Variants in SLC22A31 observed in about 807,000 individuals in gnomAD.
SLC22A31 encodes the protein solute carrier family 22 member 31.
SLC22A31 carries 42 observed loss-of-function variants against 27.4 expected under a neutral mutation model. The observed-to-expected ratio is 1.53, with a 90% confidence interval of 1.20 to 1.98. The LOEUF is 1.98. Among genes scored for constraint, SLC22A31 ranks in the 30% most tolerant of loss-of-function variants. The pLI is 0.00. For synonymous variants in SLC22A31, 290 were observed against 230.8 expected (o/e 1.26, Z -2.33); for missense variants, 593 against 479.9 (o/e 1.24, Z -2.20).
chr16:89,196,878 G>A (rs563566937), intron 8 of SLC22A31, among the ~76,000 whole-genome samples: 10 of 151,572 alleles, frequency 6.6e-5, no homozygotes, highest in Admixed American at 6.6e-4. Flanking sequence ...CCAGAGAGTT[G>A]GAGGCTGCAG....
upstream of SLC22A31, chr16:89,201,195 A>G (rs1334238673): frequency 5.3e-6 from 2 of 375,186 alleles, no homozygotes; most frequent in African/African-American, 2.1e-5. Context: ...GGATGGAGAA[A>G]GGACACCCAG....
At chr16:89,197,780 C>T (rs1265119410) in intron 7 of SLC22A31, among the ~76,000 whole-genome samples, 1 of 152,256 alleles carries the variant, frequency 6.6e-6, no homozygotes, top group East Asian at 1.9e-4. Flanking sequence ...CACCATGTGG[C>T]TGGCCCTGAG....
At chr16:89,198,087 T>C (rs1039011575) in intron 7 of SLC22A31, 35 bp downstream of exon 7, 13 of 1,529,370 alleles carry the variant, frequency 8.5e-6, no homozygotes, top group African/African-American at 4.1e-5. Flanking sequence ...CCAAACACAA[T>C]GGCTCCTGTA....
chr16:89,199,152 G>A lies in SLC22A31; in HGVS notation c.323C>T (p.Ser108Phe), dbSNP rs1173248036. Residue 108 changes from serine to phenylalanine, a missense_variant, in exon 4 of 9, where the codon TCC becomes TTC. Coordinates refer to ENST00000682282, the MANE Select transcript of SLC22A31 (RefSeq NM_001384763.1). ...LCDPPHRLAFSMGAGLFSVVG... is the reference protein window; with the variant it reads ...LCDPPHRLAFFMGAGLFSVVG... ...CACCGAGAAAAGGCCAGCCCCCATG[G>A]AGAAGGCCAGGCGGTGGGGAGGGTC... 5.9e-6 allele frequency: 9 copies of A among 1,533,254 alleles called. No homozygotes were observed. The highest frequency in any genetic ancestry group is 7.9e-6 in the Non-Finnish European group (9 of 1,145,964). The allele number at this position is 1,533,254 out of a possible 1,614,324, so 95.0% of individuals were successfully genotyped here.
At position 89,199,719 on chromosome 16, in the gene SLC22A31, C is replaced by T; in HGVS notation, c.122G>A (p.Cys41Tyr). 1 of 405,764 alleles carries T rather than the reference C, an allele frequency of 2.5e-6. No individual in the cohort carries two copies. The highest frequency in any genetic ancestry group is 4.4e-6 in the Non-Finnish European group (1 of 228,814). The allele number at this position is 405,764 out of a possible 1,614,324, so 25.1% of individuals were successfully genotyped here. The change falls in exon 2 of 9, where the codon TGT becomes TAT. Residue 41 changes from cysteine to tyrosine, a missense_variant. Cys to Tyr is a radical substitution (Grantham distance 194, BLOSUM62 -2). Transcript: ENST00000682282. ...LLGCVILGAG[C>Y]DRFGRRAVFV... ...AAAAGGGAAGGGGCCTCACCGGTCA[C>T]AGCCTGCTCCCAGGATGACACAGCC...
At chr16:89,199,328 T>C in intron 3 of SLC22A31, 85 bp downstream of exon 3, 1 of 877,238 alleles carries the variant, frequency 1.1e-6, no homozygotes, top group Non-Finnish European at 1.7e-6. Flanking sequence ...TCCCTGCAGC[T>C]CGGGGCCCTC....
intron 5 of SLC22A31, 25 bp from the exon 6 acceptor site, chr16:89,198,575 A>AG (rs1916215132): frequency 6.6e-7 from 1 of 1,512,752 alleles, no homozygotes. Context: ...ATGTGAGGGG[A>AG]GGGGGGTGAG....
chr16:89,199,646 T>C (rs1338806220), intron 2 of SLC22A31, 67 bp downstream of exon 2: 23 of 405,390 alleles, frequency 5.7e-5, no homozygotes, highest in Non-Finnish European at 9.2e-5. Context: ...GCACCAGGTC[T>C]AGCTGAACCC....
intron 8 of SLC22A31, among the ~76,000 whole-genome samples, chr16:89,196,925 A>G (rs1385661011): frequency 6.6e-6 from 1 of 150,770 alleles, no homozygotes; most frequent in Admixed American, 6.6e-5. Flanking sequence ...CAGCCTGGTG[A>G]CAGAGCGAGA....
At position 89,198,791 on chromosome 16, in the gene SLC22A31, C is replaced by G. The variant is rs1358659639; in HGVS notation, c.459G>C (p.Pro153=). ...SGLLLLFWGF[P]ALFPESPCWL... ...AGCAGGGAGACTCGGGGAACAGGGC[C>G]GGGAACCTGCAGCGTTGGTGAGGAT... Residue 153 remains proline (P), a synonymous_variant, in exon 5 of 9, where the codon CCG becomes CCC. Transcript: ENST00000682282. The G allele has an allele frequency of 1.3e-6, 2 of 1,529,836 alleles. No homozygotes were observed. The highest frequency in any genetic ancestry group is 1.7e-4 in the Middle Eastern group (1 of 5,986). 94.8% of individuals were successfully genotyped at this position (1,529,836 alleles called of 1,614,324 possible).
At chr16:89,196,521 C>T (rs1915942593) in intron 8 of SLC22A31, 1 of 790,908 alleles carries the variant, frequency 1.3e-6, no homozygotes, top group Non-Finnish European at 1.9e-6. Context: ...TTGGGGGACA[C>T]ACATGTGACT....
rs554761927 is a variant in SLC22A31, at chr16:89,198,250, G to A, written c.794C>T (p.Ala265Val). Residue 265 changes from alanine (A) to valine (V), a missense_variant, in exon 7 of 9, where the codon GCC (alanine) becomes GTC (valine). Transcript: ENST00000682282. ...GACCAAGGCTGCCGCCTCCAGGCCGGCCTCCAGGAAGTAGGGCAGGTAGAA... is the reference window on the plus strand; with the variant it reads ...GACCAAGGCTGCCGCCTCCAGGCCGACCTCCAGGAAGTAGGGCAGGTAGAA... ...PTFYLPYFLE[A>V]GLEAAALVFL... The A allele has an allele frequency of 3.3e-6, 5 of 1,535,970 alleles. No homozygotes were observed. The highest frequency in any genetic ancestry group is 2.4e-5 in the East Asian group (1 of 40,926).
Position 89,196,073 on chromosome 16 carries a change from GGCGGCCCCGCAGGAGTGGGGA to G in SLC22A31, c.1246_1266del (p.Ser416_Arg422del), listed in dbSNP as rs1597316605. 20 of 1,531,872 alleles carry G rather than the reference GGCGGCCCCGCAGGAGTGGGGA, an allele frequency of 1.3e-5. No individual in the cohort carries two copies. The highest frequency in any genetic ancestry group is 1.7e-5 in the Non-Finnish European group (19 of 1,145,312). The allele number at this position is 1,531,872 out of a possible 1,614,324, so 94.9% of individuals were successfully genotyped here. A position where few individuals can be genotyped will look rare whatever the true frequency, so the allele number is the denominator to read the frequency against. On this transcript the variant is annotated inframe_deletion, in exon 9 of 9. Coordinates refer to ENST00000682282, the MANE Select transcript of SLC22A31 (RefSeq NM_001384763.1). Reference sequence around the variant, plus strand: ...AGCAGAGGCAGGTGGTCCTGGCGGGGGCGGCCCCGCAGGAGTGGGGAGCGGCGCAGGCGGTCGGCGTCCTGC... The same window carrying G: ...AGCAGAGGCAGGTGGTCCTGGCGGGGGCGGCGCAGGCGGTCGGCGTCCTGC...
At chr16:89,196,969 G>A (rs1021307536) in intron 8 of SLC22A31, among the ~76,000 whole-genome samples, 10 of 151,340 alleles carry the variant, frequency 6.6e-5, no homozygotes, top group South Asian at 2.1e-4. Context: ...AGAAGAAGAA[G>A]AAGATCGAAA....
At position 89,198,770 on chromosome 16, in the gene SLC22A31, G is replaced by T. The variant is rs775834789; in HGVS notation, c.480C>A (p.Pro160=). 12 of 1,533,764 alleles carry T rather than the reference G, an allele frequency of 7.8e-6. No individual in the cohort carries two copies. The South Asian group carries it at 1.1e-4, about 14-fold the overall frequency. ...WGFPALFPES[P]CWLLATGQVA... is the part of the protein sequence containing the mutation. The stretch of plus-strand genomic sequence containing the variant: ...CCTGACCTGTGGCCAGCAGCCAGCA[G>T]GGAGACTCGGGGAACAGGGCCGGGA... The change falls in exon 5 of 9, where the codon CCC becomes CCA. Residue 160 remains proline (P), a synonymous_variant. Coordinates refer to ENST00000682282, the MANE Select transcript of SLC22A31 (RefSeq NM_001384763.1).
Position 89,199,364 on chromosome 16 carries a change from G to A in SLC22A31, c.283+49C>T, listed in dbSNP as rs1305622534. ...GGCAAGGGAGCCTCAGAGGCCTGCG[G>A]GCCACCCACTGCCCCTCCCCCAGTG... On this transcript the variant is annotated intron_variant, in intron 3 of 8. Transcript: ENST00000682282. 28 of 646,644 alleles carry A rather than the reference G, an allele frequency of 4.3e-5. No individual in the cohort carries two copies. In the East Asian group the frequency reaches 7.4e-4, roughly 17 times the overall value. The allele number at this position is 646,644 out of a possible 1,614,324, so 40.1% of individuals were successfully genotyped here.
rs747318429 is a variant in SLC22A31 at position 89,196,237 on chromosome 16, A to G, written c.1103T>C (p.Leu368Pro). ...LGQAAGPLDTLHGRQGFFLQQ... is the reference protein window; with the variant it reads ...LGQAAGPLDTPHGRQGFFLQQ... ...CAGGAAGAAGCCCTGCCGGCCGTGC[A>G]GGGTGTCCAGGGGGCCGGCTGCCTG... The change falls in exon 9 of 9, where the codon CTG becomes CCG. Residue 368 changes from leucine to proline, a missense_variant. Physicochemically the swap from Leu to Pro is moderately conservative, Grantham distance 98. Coordinates refer to ENST00000682282, the MANE Select transcript of SLC22A31 (RefSeq NM_001384763.1). 35 of 1,534,146 alleles carry G rather than the reference A, an allele frequency of 2.3e-5. No individual in the cohort carries two copies. The South Asian group carries it at 3.1e-4, about 14-fold the overall frequency.
rs893131118 is a variant in SLC22A31 at position 89,197,421 on chromosome 16, G to A, written c.923-12C>T. On this transcript the variant is annotated splice_polypyrimidine_tract_variant and intron_variant, in intron 7 of 8. Transcript: ENST00000682282. Reference sequence around the variant, plus strand: ...CCAGCCTGGCAGATCTGGGGACAAAGAACAGGGGTTCCCAGGCTCTCTCCC... The same window carrying A: ...CCAGCCTGGCAGATCTGGGGACAAAAAACAGGGGTTCCCAGGCTCTCTCCC... The A allele has an allele frequency of 3.3e-6, 5 of 1,528,206 alleles. No homozygotes were observed. Among genetic ancestry groups the A allele is most frequent in the East Asian group, 4.9e-5 (2 of 40,872 alleles). The allele number at this position is 1,528,206 out of a possible 1,614,324, so 94.7% of individuals were successfully genotyped here.
chr16:89,196,038 G>A lies in SLC22A31; in HGVS notation c.1302C>T (p.Ser434=). The change falls in exon 9 of 9, where the codon TCC becomes TCT. Residue 434 remains serine (S), a synonymous_variant. Transcript: ENST00000682282. ...GGGTGTGGCCGGCCCAGTAGGAGTT[G>A]GAGGGCGGCAGCAGAGGCAGGTGGT... ...RQDHLPLLPP[S]NSYWAGHTPE... 6.5e-7 allele frequency: 1 copy of A among 1,528,202 alleles called. No homozygotes were observed. The highest frequency in any genetic ancestry group is 8.7e-7 in the Non-Finnish European group (1 of 1,143,448). The allele number at this position is 1,528,202 out of a possible 1,614,324, so 94.7% of individuals were successfully genotyped here. A position where few individuals can be genotyped will look rare whatever the true frequency, so the allele number is the denominator to read the frequency against.
Sources: gnomAD v4.1 joint callset for allele counts (sites outside exome capture counted in the v4.1 genomes callset) on GRCh38, gnomAD v4.1.1 for gene constraint, MANE v1.5 for transcripts, NCBI Gene and HGNC (gene_info 2026-07-23, HGNC 2026-07-21) for gene names.